PJA2: variants seen among roughly 807,000 people sequenced by gnomAD.
The protein encoded by PJA2 is praja ring finger ubiquitin ligase 2.
In PJA2, 25 loss-of-function variants were observed where a neutral mutation model predicts 69.3. The ratio of observed to expected loss-of-function variants is 0.36; its 90% CI spans 0.26 to 0.50. The LOEUF (loss-of-function observed/expected upper bound fraction) is 0.50, where lower values mean the gene tolerates loss of function less well. Among genes scored for constraint, PJA2 ranks in the 20% least tolerant of loss-of-function variants. The pLI is 0.96. For synonymous variants in PJA2, 308 were observed against 277.8 expected, an observed-to-expected ratio of 1.11 and a Z score of -1.08; for missense variants, 809 against 830.2, an observed-to-expected ratio of 0.97 and a Z score of 0.31.
chr5:109,383,358 G>A (rs748384477), intron 2 of PJA2, 45 bp downstream of exon 2: 1 of 1,590,016 alleles, frequency 6.3e-7, no homozygotes, highest in Non-Finnish European at 8.6e-7. Flanking sequence ...GTACCCAGAG[G>A]AAAAAACAAG....
At chr5:109,375,898 G>T (rs1424172100) in intron 4 of PJA2, among the ~76,000 whole-genome samples, 1 of 152,164 alleles carries the variant, frequency 6.6e-6, no homozygotes, top group Non-Finnish European at 1.5e-5. Context: ...GGGAATTAGG[G>T]TAGAGGAACA....
intron 1 of PJA2, among the ~76,000 whole-genome samples, chr5:109,394,211 A>G (rs1220478355): frequency 6.6e-6 from 1 of 151,448 alleles, no homozygotes; most frequent in Non-Finnish European, 1.5e-5. Flanking sequence ...CCATGCCTGG[A>G]TAATTTTTGT....
At chr5:109,364,643 T>G (rs918034401) in intron 5 of PJA2, among the ~76,000 whole-genome samples, 5 of 141,384 alleles carry the variant, frequency 3.5e-5, no homozygotes, top group African/African-American at 1.3e-4. Flanking sequence ...AAAAAAAAAT[T>G]TCAGTGTCAT....
intron 1 of PJA2, among the ~76,000 whole-genome samples, chr5:109,406,150 T>C (rs1747687677): frequency 6.6e-6 from 1 of 151,620 alleles, no homozygotes; most frequent in Admixed American, 6.6e-5. Flanking sequence ...TTCACGCCAT[T>C]ATCCTAACTC....
chr5:109,407,561 T>C (rs1044745228), intron 1 of PJA2, among the ~76,000 whole-genome samples: 6 of 152,086 alleles, frequency 3.9e-5, no homozygotes, highest in Non-Finnish European at 7.4e-5. Flanking sequence ...TTTTATAAGA[T>C]GTATAATTGC....
intron 4 of PJA2, among the ~76,000 whole-genome samples, chr5:109,372,378 C>A (rs1762687796): frequency 1.3e-5 from 2 of 152,212 alleles, no homozygotes; most frequent in Non-Finnish European, 2.9e-5. Context: ...CTTTTCCCCA[C>A]TTCCAAACAC....
At chr5:109,372,022 T>A (rs1225124341) in intron 4 of PJA2, among the ~76,000 whole-genome samples, 11 of 152,262 alleles carry the variant, frequency 7.2e-5, no homozygotes. Flanking sequence ...TCAATAACTG[T>A]TAGCGAGTCT....
chr5:109,344,690 C>A lies in PJA2; in HGVS notation c.1879+15G>T, dbSNP rs548155647. 2 of 1,527,010 alleles carry A rather than the reference C, an allele frequency of 1.3e-6. No homozygotes were observed. The highest frequency in any genetic ancestry group is 1.8e-6 in the Non-Finnish European group (2 of 1,105,228). 94.6% of individuals were successfully genotyped at this position (1,527,010 alleles called of 1,614,324 possible). ...CAATGTGTTCTTCAACATTTGAGAT[C>A]AACTTTGCCCTTACCAGTGTGATCT... On this transcript the variant is annotated intron_variant, in intron 8 of 9. Coordinates refer to ENST00000361189, the MANE Select transcript of PJA2 (RefSeq NM_014819.5).
At chr5:109,370,486 C>T (rs1444615082) in intron 4 of PJA2, among the ~76,000 whole-genome samples, 1 of 152,090 alleles carries the variant, frequency 6.6e-6, no homozygotes, top group African/African-American at 2.4e-5. Context: ...TGCCAATTTC[C>T]AGTAAGCAAT....
chr5:109,344,616 TAATC>T (rs1762143299), intron 8 of PJA2, 85 bp downstream of exon 8: 1 of 882,758 alleles, frequency 1.1e-6, no homozygotes, highest in Non-Finnish European at 1.7e-6. Context: ...AAGTTTCTAA[TAATC>T]AAGTATTTAA....
intron 1 of PJA2, among the ~76,000 whole-genome samples, chr5:109,401,220 G>A (rs918339735): frequency 1.3e-5 from 2 of 151,510 alleles, no homozygotes; most frequent in Admixed American, 1.3e-4. Context: ...GGAGGTAGAG[G>A]TTGCAGTGAG....
At chr5:109,407,555 A>G (rs1342620353) in intron 1 of PJA2, among the ~76,000 whole-genome samples, 1 of 152,200 alleles carries the variant, frequency 6.6e-6, no homozygotes, top group Non-Finnish European at 1.5e-5. Context: ...TCAACATTTT[A>G]TAAGATGTAT....
chr5:109,387,896 T>C (rs1253290187), intron 1 of PJA2, among the ~76,000 whole-genome samples: 1 of 152,206 alleles, frequency 6.6e-6, no homozygotes, highest in South Asian at 2.1e-4. Context: ...AAACAGTTAC[T>C]GAACAAACGA....
chr5:109,383,510 G>T lies in PJA2; in HGVS notation c.-77C>A. The stretch of plus-strand genomic sequence containing the variant: ...TTTTTATTCACACTATGGACAAGCC[G>T]CAGAAGATTCCTACAAAGAAACAAT... On this transcript the variant is annotated 5_prime_UTR_variant, in exon 2 of 10. Transcript: ENST00000361189. The T allele has an allele frequency of 2.5e-6, 3 of 1,186,330 alleles. No individual in the cohort carries two copies. The highest frequency in any genetic ancestry group is 3.7e-6 in the Non-Finnish European group (3 of 818,706). The allele number at this position is 1,186,330 out of a possible 1,614,324, so 73.5% of individuals were successfully genotyped here.
chr5:109,397,681 G>A (rs1747447324), intron 1 of PJA2, among the ~76,000 whole-genome samples: 1 of 151,768 alleles, frequency 6.6e-6, no homozygotes, highest in African/African-American at 2.4e-5. Flanking sequence ...ACTACGCCCA[G>A]ATATTTTTTG....
At chr5:109,370,748 A>C (rs1221188239) in intron 4 of PJA2, among the ~76,000 whole-genome samples, 3 of 152,220 alleles carry the variant, frequency 2.0e-5, no homozygotes, top group East Asian at 1.9e-4. Context: ...ATTCAAAGCT[A>C]AATTACCAAC....
Position 109,362,934 on chromosome 5 carries a change from C to T in PJA2, c.1558G>A (p.Ala520Thr). 1 of 1,613,888 alleles carries T rather than the reference C, an allele frequency of 6.2e-7. No individual in the cohort carries two copies. The highest frequency in any genetic ancestry group is 1.7e-5 in the Admixed American group (1 of 60,022). ...AAAGCTGGCTGTGCAAATTCATTGG[C>T]AGGTTCATTTCCCTCATCACTGCTG... ...ESSSDEGNEP[A>T]NEFAQPAFML... is the part of the protein sequence containing the mutation. Residue 520 changes from alanine (A) to threonine (T), a missense_variant, in exon 6 of 10, where the codon GCC becomes ACC. This residue lies in a region of PJA2 where 700 missense variants were observed against 639.5 expected (regional missense o/e 1.09). Coordinates refer to ENST00000361189, the MANE Select transcript of PJA2 (RefSeq NM_014819.5).
At chr5:109,405,923 T>TAA (rs60748513) in intron 1 of PJA2, among the ~76,000 whole-genome samples, 112 of 146,224 alleles carry the variant, frequency 7.7e-4, no homozygotes, top group African/African-American at 1.8e-3. Flanking sequence ...GTTAGGAAAA[T>TAA]AAAAAAAAAA....
At chr5:109,383,643 C>T (rs1032119284) in intron 1 of PJA2, 123 bp from the exon 2 acceptor site, 1 of 422,334 alleles carries the variant, frequency 2.4e-6, no homozygotes, top group Non-Finnish European at 4.2e-6. Context: ...GTGATGTAGC[C>T]AGCATGGTGG....
Sources: allele counts gnomAD v4.1 joint callset (sites outside exome capture counted in the v4.1 genomes callset), GRCh38; gene constraint gnomAD v4.1.1; regional missense constraint gnomAD v4.1.1; transcripts MANE v1.5; gene names NCBI Gene and HGNC (gene_info 2026-07-23, HGNC 2026-07-21).